ENTREP3: variants seen among roughly 807,000 people sequenced by gnomAD.
ENTREP3 encodes protein ENTREP3.
At chr1:155,252,081 G>A in the ENTREP3 span, 3 of 499,306 alleles carry the variant, frequency 6.0e-6, no homozygotes, top group Non-Finnish European at 1.0e-5. Context: ...CGCTCACCCT[G>A]TACCTCTAGC....
chr1:155,248,502 G>A, the ENTREP3 span: 4 of 1,603,804 alleles, frequency 2.5e-6, no homozygotes, highest in African/African-American at 1.3e-5. Flanking sequence ...GGGAGACAGG[G>A]AGTGAGTGGA....
the ENTREP3 span, chr1:155,253,690 T>C: frequency 3.1e-6 from 5 of 1,612,626 alleles, no homozygotes; most frequent in African/African-American, 1.3e-5. Flanking sequence ...GTACAGATTA[T>C]AGCGGCACAA....
the ENTREP3 span, chr1:155,250,814 C>T: frequency 6.2e-7 from 1 of 1,602,916 alleles, no homozygotes; most frequent in South Asian, 1.1e-5. This position sits in a 1 kb window ranked among gnomAD's most constrained non-coding sequence, Gnocchi z 5.4. Flanking sequence ...ACCCGCTGTC[C>T]ATGGACACTG....
chr1:155,251,571 T>C, the ENTREP3 span: 1 of 1,614,030 alleles, frequency 6.2e-7, no homozygotes, highest in Non-Finnish European at 8.5e-7. Flanking sequence ...ACAAGGGCAC[T>C]GGGCTGTCCA....
the ENTREP3 span, chr1:155,253,745 A>G: frequency 2.5e-6 from 4 of 1,608,556 alleles, no homozygotes; most frequent in East Asian, 6.7e-5. Flanking sequence ...GGGGAAGGGA[A>G]AGGAGGAGAG....
At chr1:155,255,147 C>T in the ENTREP3 span, 6 of 566,926 alleles carry the variant, frequency 1.1e-5, no homozygotes, top group South Asian at 1.0e-4. This position sits in a 1 kb window ranked among gnomAD's most constrained non-coding sequence, Gnocchi z 5.6. Flanking sequence ...GCGGGGGCAC[C>T]GGCTCATCGC....
the ENTREP3 span, chr1:155,251,143 G>T: frequency 6.2e-7 from 1 of 1,611,514 alleles, no homozygotes; most frequent in Non-Finnish European, 8.5e-7. Context: ...CCATCGTGAA[G>T]CTGAGGGTCA....
At chr1:155,247,825 TG>T in the ENTREP3 span, 1 of 1,478,750 alleles carries the variant, frequency 6.8e-7, no homozygotes, top group Non-Finnish European at 9.0e-7. Context: ...GCTGAGGCTG[TG>T]GGGGCGGGTA....
the ENTREP3 span, chr1:155,250,863 G>GGCCTA: frequency 6.5e-7 from 1 of 1,540,218 alleles, no homozygotes; most frequent in African/African-American, 1.4e-5. This position sits in a 1 kb window ranked among gnomAD's most constrained non-coding sequence, Gnocchi z 5.4. Flanking sequence ...AGCCTGGCCT[G>GGCCTA]GCCTAGCCCT....
chr1:155,252,703 TA>T, the ENTREP3 span: 9 of 51,502 alleles, frequency 1.7e-4, no homozygotes, highest in Non-Finnish European at 1.1e-4. Context: ...TATATATATA[TA>T]TATATATATA....
At chr1:155,252,020 A>C in the ENTREP3 span, 1 of 751,204 alleles carries the variant, frequency 1.3e-6, no homozygotes, top group Non-Finnish European at 2.0e-6. Context: ...CCCTGAGAGA[A>C]GCTCTTGTTC....
the ENTREP3 span, chr1:155,250,593 G>T: frequency 6.2e-7 from 1 of 1,606,528 alleles, no homozygotes. The surrounding 1 kb of genome is among the most constrained non-coding windows in gnomAD (Gnocchi z 5.4). Context: ...GGAGCGGGCA[G>T]CCCGTGGGGG....
chr1:155,251,849 CG>C, the ENTREP3 span: 1 of 1,524,424 alleles, frequency 6.6e-7, no homozygotes, highest in South Asian at 1.3e-5. Flanking sequence ...GGGCTGGGGG[CG>C]GGGACGTGCA....
chr1:155,253,985 G>A, the ENTREP3 span: 1 of 1,612,294 alleles, frequency 6.2e-7, no homozygotes. Context: ...CTTCCTGAGT[G>A]GAGCAGGGAG....
the ENTREP3 span, chr1:155,250,600 G>A: frequency 6.2e-7 from 1 of 1,607,720 alleles, no homozygotes; most frequent in Non-Finnish European, 8.5e-7. The surrounding 1 kb of genome is among the most constrained non-coding windows in gnomAD (Gnocchi z 5.4). Context: ...GCAGCCCGTG[G>A]GGGGCGCCGT....
chr1:155,250,829 C>A, the ENTREP3 span: 1 of 1,590,878 alleles, frequency 6.3e-7, no homozygotes, highest in East Asian at 2.3e-5. This position sits in a 1 kb window ranked among gnomAD's most constrained non-coding sequence, Gnocchi z 5.4. Context: ...ACACTGTGGG[C>A]GGCAGGGGGC....
At chr1:155,252,752 A>C in the ENTREP3 span, 1 of 28,092 alleles carries the variant, frequency 3.6e-5, no homozygotes, top group Admixed American at 4.2e-4. Context: ...TTTTTTTGAG[A>C]CGGAGTCTTG....
chr1:155,250,221 C>G, the ENTREP3 span: 1 of 1,473,842 alleles, frequency 6.8e-7, no homozygotes. This position sits in a 1 kb window ranked among gnomAD's most constrained non-coding sequence, Gnocchi z 5.4. Flanking sequence ...CACTGGCCAC[C>G]TAACTCCCAG....
the ENTREP3 span, chr1:155,253,676 G>C: frequency 8.7e-6 from 14 of 1,613,892 alleles, no homozygotes; most frequent in Non-Finnish European, 1.2e-5. Flanking sequence ...CAATAGCAGA[G>C]AGTGTACAGA....
Sources: gnomAD v4.1 joint callset for allele counts on GRCh38, gnomAD v4.1.1 for gene constraint, Gnocchi (gnomAD v3.1) non-coding constraint, MANE v1.5 for transcripts, NCBI Gene and HGNC (gene_info 2026-07-23, HGNC 2026-07-21) for gene names.